VWC2: variants seen among roughly 807,000 people sequenced by gnomAD.
The protein encoded by VWC2 is brorin.
A neutral mutation model predicts 29.8 loss-of-function variants in VWC2; 14 were observed. The ratio of observed to expected loss-of-function variants is 0.47; its 90% CI spans 0.31 to 0.74. VWC2 has a LOEUF of 0.74. VWC2 is among the 30% of genes least tolerant of loss of function. VWC2 has a pLI of 0.05. For synonymous variants in VWC2, 213 were observed against 199.0 expected, an observed-to-expected ratio of 1.07 and a Z score of -0.59; for missense variants, 457 against 459.8, an observed-to-expected ratio of 0.99 and a Z score of 0.05.
chr7:49,877,788 CATT>C (rs919878960), intron 3 of VWC2, among the ~76,000 whole-genome samples: 16 of 151,238 alleles, frequency 1.1e-4, no homozygotes, highest in African/African-American at 3.2e-4. Context: ...TTATTGTTGT[CATT>C]ATTATTATTT....
intron 3 of VWC2, among the ~76,000 whole-genome samples, chr7:49,826,041 G>C (rs948901701): frequency 6.6e-6 from 1 of 152,148 alleles, no homozygotes; most frequent in African/African-American, 2.4e-5. Context: ...CCAGTAGAAA[G>C]AAAGGGTTGA....
At position 49,799,391 on chromosome 7, in the gene VWC2, C is replaced by A. The variant is rs367567429; in HGVS notation, c.697-3320C>A. On this transcript the variant is annotated intron_variant, in intron 2 of 3. Transcript: ENST00000340652. ...CAGATGAGAAACTCTGACTTCAGGGCCGGTGACCAGCTTGAGGGCTTCTGC... is the reference window on the plus strand; with the variant it reads ...CAGATGAGAAACTCTGACTTCAGGGACGGTGACCAGCTTGAGGGCTTCTGC... Among the ~76,000 whole-genome samples, 194 of 152,384 alleles carry A rather than the reference C, an allele frequency of 1.3e-3. 1 individual carries two copies. Among genetic ancestry groups the A allele is most frequent in the African/African-American group, 4.5e-3 (188 of 41,592 alleles).
chr7:49,774,409 G>C (rs1306471895), intron 1 of VWC2, among the ~76,000 whole-genome samples: 1 of 152,234 alleles, frequency 6.6e-6, no homozygotes, highest in Non-Finnish European at 1.5e-5. Context: ...AGAGAGGCTG[G>C]ATTGCCGGTG....
intron 3 of VWC2, among the ~76,000 whole-genome samples, chr7:49,805,519 T>C (rs1263619695): frequency 6.6e-6 from 1 of 152,224 alleles, no homozygotes; most frequent in Non-Finnish European, 1.5e-5. Flanking sequence ...TCTCTAGTTA[T>C]AGGGTATTCT....
chr7:49,786,319 CT>C (rs1057397675), intron 2 of VWC2, among the ~76,000 whole-genome samples: 2 of 152,156 alleles, frequency 1.3e-5, no homozygotes, highest in African/African-American at 2.4e-5. Context: ...TCATTCCATT[CT>C]TTTTTATGAC....
chr7:49,838,375 C>T (rs1229422915), intron 3 of VWC2, among the ~76,000 whole-genome samples: 1 of 151,968 alleles, frequency 6.6e-6, no homozygotes, highest in African/African-American at 2.4e-5. Context: ...TTTTTCATTT[C>T]CTTAGGAATA....
At chr7:49,819,702 G>A (rs1174594111) in intron 3 of VWC2, among the ~76,000 whole-genome samples, 1 of 152,188 alleles carries the variant, frequency 6.6e-6, no homozygotes. Context: ...AATTTTTAGA[G>A]AAGTAAGGAG....
At chr7:49,842,108 T>C (rs1168237320) in intron 3 of VWC2, among the ~76,000 whole-genome samples, 2 of 152,164 alleles carry the variant, frequency 1.3e-5, no homozygotes, top group East Asian at 1.9e-4. Flanking sequence ...CCTCAGGTGA[T>C]CCACCCTCCT....
intron 3 of VWC2, among the ~76,000 whole-genome samples, chr7:49,810,166 C>T (rs905364696): frequency 2.0e-5 from 3 of 151,940 alleles, no homozygotes; most frequent in African/African-American, 7.2e-5. Context: ...CACACATACA[C>T]ATGCATACAC....
At chr7:49,811,788 T>C (rs1387549924) in intron 3 of VWC2, among the ~76,000 whole-genome samples, 1 of 152,180 alleles carries the variant, frequency 6.6e-6, no homozygotes, top group Non-Finnish European at 1.5e-5. Flanking sequence ...TTACCGTATA[T>C]CCCAGTTATT....
chr7:49,877,669 C>T (rs932238783), intron 3 of VWC2, among the ~76,000 whole-genome samples: 24 of 148,948 alleles, frequency 1.6e-4, no homozygotes, highest in African/African-American at 5.4e-4. Flanking sequence ...TGTGGTACCC[C>T]GAGAGTCATG....
chr7:49,792,432 G>T (rs1788482152), intron 2 of VWC2, among the ~76,000 whole-genome samples: 1 of 152,178 alleles, frequency 6.6e-6, no homozygotes, highest in Admixed American at 6.5e-5. Flanking sequence ...CTTTGATTCT[G>T]CACTCCTGTG....
chr7:49,894,578 T>A (rs1366460434), intron 3 of VWC2, among the ~76,000 whole-genome samples: 1 of 152,258 alleles, frequency 6.6e-6, no homozygotes, highest in Non-Finnish European at 1.5e-5. Flanking sequence ...TTAACTCAAC[T>A]GTACATATAC....
chr7:49,884,385 G>A (rs1392451627), intron 3 of VWC2, among the ~76,000 whole-genome samples: 2 of 152,186 alleles, frequency 1.3e-5, no homozygotes, highest in Admixed American at 1.3e-4. Flanking sequence ...AGGAGAACAG[G>A]AGATAAAGTC....
At chr7:49,856,152 T>C (rs1790408648) in intron 3 of VWC2, among the ~76,000 whole-genome samples, 1 of 152,176 alleles carries the variant, frequency 6.6e-6, no homozygotes, top group Non-Finnish European at 1.5e-5. Flanking sequence ...TTAGGATGTG[T>C]GTCCAAACTG....
intron 3 of VWC2, among the ~76,000 whole-genome samples, chr7:49,877,479 AAAAT>A (rs1269323768): frequency 7.7e-3 from 98 of 12,686 alleles, no homozygotes; most frequent in Middle Eastern, 0.033. Context: ...AAAAAAAAAA[AAAAT>A]ATATATATAT....
chr7:49,867,056 A>C (rs1236157921), intron 3 of VWC2, among the ~76,000 whole-genome samples: 1 of 152,214 alleles, frequency 6.6e-6, no homozygotes, highest in African/African-American at 2.4e-5. Flanking sequence ...CCATCTCGTT[A>C]GAGAGACAGA....
intron 3 of VWC2, among the ~76,000 whole-genome samples, chr7:49,872,908 T>C: frequency 1.4e-5 from 1 of 69,108 alleles, no homozygotes. Flanking sequence ...AGAGCAAGAC[T>C]TTGTCTCAAA....
At chr7:49,843,215 G>C (rs539840537) in intron 3 of VWC2, among the ~76,000 whole-genome samples, 1 of 152,078 alleles carries the variant, frequency 6.6e-6, no homozygotes, top group East Asian at 1.9e-4. Flanking sequence ...TGGAAAATAT[G>C]GGAATTCCAA....
Sources: allele counts gnomAD v4.1 joint callset (sites outside exome capture counted in the v4.1 genomes callset), GRCh38; gene constraint gnomAD v4.1.1; transcripts MANE v1.5; gene names NCBI Gene and HGNC (gene_info 2026-07-23, HGNC 2026-07-21).